Variants in FAM13C observed in about 807,000 individuals in gnomAD.
The protein encoded by FAM13C is protein FAM13C.
In FAM13C, 37 loss-of-function variants were observed where a neutral mutation model predicts 73.2. That is an observed-to-expected ratio of 0.51 (90% CI 0.39 to 0.67). The LOEUF is 0.67. FAM13C is among the 30% of genes least tolerant of loss of function. The probability of loss-of-function intolerance (pLI) is 0.00; values close to 1 mark genes in which losing one functional copy is unlikely to be tolerated. For missense variants in FAM13C, 589 were observed against 715.6 expected (o/e 0.82, Z 2.02); for synonymous variants, 246 against 260.9 (o/e 0.94, Z 0.55).
chr10:59,321,014 G>C (rs560848386), intron 4 of FAM13C, among the ~76,000 whole-genome samples: 92 of 152,288 alleles, frequency 6.0e-4, no homozygotes, highest in African/African-American at 2.0e-3. Context: ...TGCCATATGA[G>C]AGTCTGATAC....
chr10:59,342,678 T>C (rs1853668369), intron 3 of FAM13C, among the ~76,000 whole-genome samples: 1 of 152,242 alleles, frequency 6.6e-6, no homozygotes, highest in African/African-American at 2.4e-5. Flanking sequence ...CAACTACATC[T>C]CTTGAAAACT....
intron 4 of FAM13C, among the ~76,000 whole-genome samples, chr10:59,318,588 A>G (rs1309877356): frequency 1.3e-5 from 2 of 152,080 alleles, no homozygotes; most frequent in Non-Finnish European, 2.9e-5. Flanking sequence ...GTCACCTGAG[A>G]GATGTGAGAT....
intron 3 of FAM13C, among the ~76,000 whole-genome samples, chr10:59,351,074 A>C (rs1854971646): frequency 6.6e-6 from 1 of 152,168 alleles, no homozygotes; most frequent in African/African-American, 2.4e-5. Flanking sequence ...GTGGTGGCTC[A>C]CTTTCACAAC....
chr10:59,339,868 AT>A (rs1262943093), intron 3 of FAM13C, among the ~76,000 whole-genome samples: 1 of 152,228 alleles, frequency 6.6e-6, no homozygotes, highest in Non-Finnish European at 1.5e-5. Context: ...AAAATCATCC[AT>A]TCCAAAATAA....
At chr10:59,287,293 T>C (rs1439729623) in intron 5 of FAM13C, among the ~76,000 whole-genome samples, 1 of 122,106 alleles carries the variant, frequency 8.2e-6, no homozygotes, top group Non-Finnish European at 1.6e-5. Context: ...GTGGAGATCA[T>C]GCCACTGCAC....
chr10:59,283,581 C>A, intron 5 of FAM13C, 134 bp from the exon 6 acceptor site: 1 of 842,592 alleles, frequency 1.2e-6, no homozygotes, highest in East Asian at 2.5e-5. Context: ...CCGCAGCTCC[C>A]GCAAGCACCT....
At position 59,247,390 on chromosome 10, in the gene FAM13C, C is replaced by T; in HGVS notation, c.*224G>A. 1 of 520,658 alleles carries T rather than the reference C, an allele frequency of 1.9e-6. No homozygotes were observed. Among genetic ancestry groups the T allele is most frequent in the Admixed American group, 3.8e-5 (1 of 26,340 alleles). 32.3% of individuals were successfully genotyped at this position (520,658 alleles called of 1,614,324 possible). A position where few individuals can be genotyped will look rare whatever the true frequency, so the allele number is the denominator to read the frequency against. ...AGTTTTCTGCTTGGCATGGAGGACA[C>T]TGAATTTTTTCCCAATTATATGGCT... is the stretch of plus-strand genomic sequence containing the variant. On this transcript the variant is annotated 3_prime_UTR_variant, in exon 14 of 14. Transcript: ENST00000618804.
At chr10:59,344,283 TC>T (rs1360921934) in intron 3 of FAM13C, among the ~76,000 whole-genome samples, 16 of 142,040 alleles carry the variant, frequency 1.1e-4, no homozygotes, top group Non-Finnish European at 2.2e-4. Flanking sequence ...CTTCTTTTTT[TC>T]TTTTTTTTTT....
At chr10:59,253,112 C>T in intron 11 of FAM13C, 114 bp from the exon 12 acceptor site, 1 of 975,116 alleles carries the variant, frequency 1.0e-6, no homozygotes, top group Non-Finnish European at 1.6e-6. Context: ...GTAGGTGACC[C>T]ATGTGCCTAC....
chr10:59,285,490 C>T (rs969123340), intron 5 of FAM13C, among the ~76,000 whole-genome samples: 1 of 152,088 alleles, frequency 6.6e-6, no homozygotes, highest in African/African-American at 2.4e-5. Context: ...ACAAATAATG[C>T]CATGGGAATG....
rs183910032 is a variant in FAM13C, at chr10:59,268,536, A to T, written c.942+17T>A. 7 of 1,613,250 alleles carry T rather than the reference A, an allele frequency of 4.3e-6. No homozygotes were observed. In the Admixed American group the frequency reaches 1.2e-4, roughly 27 times the overall value. On this transcript the variant is annotated intron_variant, in intron 8 of 13. Coordinates refer to ENST00000618804, the MANE Select transcript of FAM13C (RefSeq NM_198215.4). Reference sequence around the variant, plus strand: ...CTCTGACCAATCCGCTCCTATGTCAAACCCCAGGGTTCTTACCCGGTATTT... The same window carrying T: ...CTCTGACCAATCCGCTCCTATGTCATACCCCAGGGTTCTTACCCGGTATTT...
At chr10:59,309,939 C>T (rs1391560361) in intron 4 of FAM13C, among the ~76,000 whole-genome samples, 1 of 152,226 alleles carries the variant, frequency 6.6e-6, no homozygotes, top group Non-Finnish European at 1.5e-5. Context: ...ACTGATGCTC[C>T]CTCTTCCACC....
At chr10:59,298,979 G>T (rs1268968823) in intron 5 of FAM13C, among the ~76,000 whole-genome samples, 1 of 152,166 alleles carries the variant, frequency 6.6e-6, no homozygotes, top group Non-Finnish European at 1.5e-5. Context: ...AGGTGGACAG[G>T]GAAAGGGGAG....
rs370759029 is a variant in FAM13C at position 59,344,013 on chromosome 10, G to A, written c.324+8257C>T. 9.9e-4 allele frequency among the ~76,000 whole-genome samples: 147 copies of A among 148,070 alleles called. 1 individual carries two copies. In the Middle Eastern group the frequency reaches 0.011, roughly 11 times the overall value. On this transcript the variant is annotated intron_variant, in intron 3 of 13. Transcript: ENST00000618804. ...GTCTCGCTCTGTCGCCCAGGCTGGAGTGCAGTGGCACGATCTCGGCTCACT... is the reference window on the plus strand; with the variant it reads ...GTCTCGCTCTGTCGCCCAGGCTGGAATGCAGTGGCACGATCTCGGCTCACT...
At chr10:59,254,231 G>T in intron 11 of FAM13C, 117 bp downstream of exon 11, 2 of 595,548 alleles carry the variant, frequency 3.4e-6, no homozygotes. Context: ...ATGACAACTA[G>T]CCTTGTTTGC....
intron 12 of FAM13C, 147 bp from the exon 13 acceptor site, chr10:59,251,823 A>AT: frequency 1.7e-6 from 1 of 601,754 alleles, no homozygotes; most frequent in South Asian, 2.8e-5. Flanking sequence ...TATGACACAC[A>AT]TAGAGCCTGA....
intron 4 of FAM13C, among the ~76,000 whole-genome samples, chr10:59,318,631 T>G (rs550225108): frequency 6.6e-6 from 1 of 152,150 alleles, no homozygotes; most frequent in African/African-American, 2.4e-5. Flanking sequence ...GAATGTTCTT[T>G]CCTTCCACCA....
chr10:59,326,885 G>C (rs1337057101), intron 3 of FAM13C, among the ~76,000 whole-genome samples: 1 of 152,096 alleles, frequency 6.6e-6, no homozygotes, highest in Non-Finnish European at 1.5e-5. Flanking sequence ...GCAATTTTAA[G>C]TTTTGTGGTT....
chr10:59,352,844 A>G (rs1157918929), intron 2 of FAM13C, among the ~76,000 whole-genome samples: 3 of 152,230 alleles, frequency 2.0e-5, no homozygotes, highest in African/African-American at 7.2e-5. Flanking sequence ...TTTATAGATG[A>G]AGACTCTAAG....
Sources: gnomAD v4.1 joint callset for allele counts (sites outside exome capture counted in the v4.1 genomes callset) on GRCh38, gnomAD v4.1.1 for gene constraint, MANE v1.5 for transcripts, NCBI Gene and HGNC (gene_info 2026-07-23, HGNC 2026-07-21) for gene names.